OR8D4: variants seen among roughly 807,000 people sequenced by gnomAD.
The protein encoded by OR8D4 is olfactory receptor family 8 subfamily D member 4, also known as olfactory receptor 8D4.
For synonymous variants in OR8D4, 141 were observed against 134.8 expected, an observed-to-expected ratio of 1.05 and a Z score of -0.32; for missense variants, 359 against 372.6, an observed-to-expected ratio of 0.96 and a Z score of 0.30.
intron 1 of OR8D4, among the ~76,000 whole-genome samples, chr11:123,903,791 C>T (rs1482406890): frequency 6.6e-6 from 1 of 152,154 alleles, no homozygotes; most frequent in African/African-American, 2.4e-5. Flanking sequence ...TTGACATGCA[C>T]ATTACACTGC....
chr11:123,906,527 A>T lies in OR8D4; in HGVS notation c.96A>T (p.Leu32Phe). ...AGCTGCCCCTCTTCTGCCTCTTCTT[A>T]GGAATTTACACAGTTACTGTGGTGG... ...ELQLPLFCLF[L>F]GIYTVTVVGN... Residue 32 changes from leucine (L) to phenylalanine (F), a missense_variant, in exon 2 of 2, where the codon TTA becomes TTT. Leu to Phe is a conservative substitution (Grantham distance 22). Transcript: ENST00000641687. 1 of 1,613,882 alleles carries T rather than the reference A, an allele frequency of 6.2e-7. No individual in the cohort carries two copies. The highest frequency in any genetic ancestry group is 8.5e-7 in the Non-Finnish European group (1 of 1,179,856).
rs930489027 is a variant in OR8D4 at position 123,906,406 on chromosome 11, C to T, written c.-15-11C>T. 4.1e-6 allele frequency: 6 copies of T among 1,451,342 alleles called. No individual in the cohort carries two copies. Among genetic ancestry groups the T allele is most frequent in the Non-Finnish European group, 5.7e-6 (6 of 1,061,432 alleles). The allele number at this position is 1,451,342 out of a possible 1,614,324, so 89.9% of individuals were successfully genotyped here. On this transcript the variant is annotated splice_polypyrimidine_tract_variant and intron_variant, in intron 1 of 1. Transcript: ENST00000641687. ...TGATAGAATTTGACTTTTTCTCTCT[C>T]ATCTCCACAGATTTCTCAGAGAAGA...
At position 123,908,686 on chromosome 11, in the gene OR8D4, A is replaced by C. The variant is rs746661752; in HGVS notation, c.*1310A>C. On this transcript the variant is annotated 3_prime_UTR_variant, in exon 2 of 2. Transcript: ENST00000641687. ...GGAAAAAATGAGTTATGTAATTTTC[A>C]GTGGTTCAAATTCTACTCTCAATAG... 2 of 152,228 alleles carry C rather than the reference A, an allele frequency of 1.3e-5. No homozygotes were observed. Among genetic ancestry groups the C allele is most frequent in the Non-Finnish European group, 2.9e-5 (2 of 68,040 alleles). The allele number at this position is 152,228 out of a possible 1,614,324, so 9.4% of individuals were successfully genotyped here.
In OR8D4 at chr11:123,906,629, G is replaced by A. The variant is rs772667060; in HGVS notation, c.198G>A (p.Leu66=). 2 of 1,613,794 alleles carry A rather than the reference G, an allele frequency of 1.2e-6. No homozygotes were observed. The highest frequency in any genetic ancestry group is 1.7e-6 in the Non-Finnish European group (2 of 1,179,720). The change falls in exon 2 of 2, where the codon TTG becomes TTA. Residue 66 remains leucine (L), a synonymous_variant. Transcript: ENST00000641687. The stretch of plus-strand genomic sequence containing the variant: ...CCATGTACTATTTCCTGAGTAGTTT[G>A]TCTTTTTTAGATTTCTGCTATTCTT... ...HTPMYYFLSS[L]SFLDFCYSSV...
chr11:123,907,111 G>A lies in OR8D4; in HGVS notation c.680G>A (p.Arg227His), dbSNP rs780197215. 24 of 1,613,292 alleles carry A rather than the reference G, an allele frequency of 1.5e-5. No homozygotes were observed. Among genetic ancestry groups the A allele is most frequent in the East Asian group, 6.7e-5 (3 of 44,832 alleles). The part of the protein sequence containing the change: ...SYAFILTSIL[R>H]IHSKKGRCKA... ...GCTTTTATCCTCACCAGCATCCTGC[G>A]CATCCACTCTAAAAAGGGCAGGTGC... is the stretch of plus-strand genomic sequence containing the variant. Residue 227 changes from arginine to histidine, a missense_variant, in exon 2 of 2, where the codon CGC (arginine) becomes CAC (histidine). Arg to His is a conservative substitution (Grantham distance 29). Transcript: ENST00000641687.
rs1379323883 is a variant in OR8D4 at position 123,906,921 on chromosome 11, C to T, written c.490C>T (p.Leu164Phe). 6.2e-7 allele frequency: 1 copy of T among 1,614,018 alleles called. No homozygotes were observed. The highest frequency in any genetic ancestry group is 1.7e-5 in the Admixed American group (1 of 60,010). ...TDAVIHGGCILRLSFCGSNII... is the reference protein window; with the variant it reads ...TDAVIHGGCIFRLSFCGSNII... ...TGCTGTGATCCATGGAGGTTGTATA[C>T]TCAGGTTGTCTTTCTGTGGATCAAA... The change falls in exon 2 of 2, where the codon CTC (leucine) becomes TTC (phenylalanine). Residue 164 changes from leucine to phenylalanine, a missense_variant. Physicochemically the swap from Leu to Phe is conservative, Grantham distance 22 (BLOSUM62 0). Transcript: ENST00000641687.
At chr11:123,904,756 C>A (rs1014648021) in intron 1 of OR8D4, among the ~76,000 whole-genome samples, 2 of 152,140 alleles carry the variant, frequency 1.3e-5, no homozygotes, top group Non-Finnish European at 2.9e-5. Context: ...TAAGGAGTCA[C>A]CTGCATCCTG....
At position 123,907,033 on chromosome 11, in the gene OR8D4, T is replaced by C; in HGVS notation, c.602T>C (p.Val201Ala). Residue 201 changes from valine (V) to alanine (A), a missense_variant, in exon 2 of 2, where the codon GTC becomes GCC. Val to Ala is a moderately conservative substitution (Grantham distance 64, BLOSUM62 0). Coordinates refer to ENST00000641687, the MANE Select transcript of OR8D4 (RefSeq NM_001005197.2). ...TATATTGATGAGCTTTTGATTTTTG[T>C]CATTGGTGGATTTAACATGGTGGCC... ...STYIDELLIFVIGGFNMVATS... is the reference protein window; with the variant it reads ...STYIDELLIFAIGGFNMVATS... 3.1e-6 allele frequency: 5 copies of C among 1,614,116 alleles called. 1 individual carries two copies. The highest frequency in any genetic ancestry group is 4.2e-6 in the Non-Finnish European group (5 of 1,179,964).
In OR8D4 at chr11:123,906,203, A is replaced by G. The variant is rs145976485; in HGVS notation, c.-15-214A>G. On this transcript the variant is annotated intron_variant, in intron 1 of 1. Transcript: ENST00000641687. Reference sequence around the variant, plus strand: ...GTAAAAGGTTCTGTCGTTTGCTAAGAGAATTTGTTCCACTGGAGGGTATGG... The same window carrying G: ...GTAAAAGGTTCTGTCGTTTGCTAAGGGAATTTGTTCCACTGGAGGGTATGG... 2.8e-4 allele frequency: 130 copies of G among 462,988 alleles called. 2 individuals are homozygous for G. The East Asian group carries it at 4.2e-3, about 15-fold the overall frequency. 28.7% of individuals were successfully genotyped at this position (462,988 alleles called of 1,614,324 possible). A position where few individuals can be genotyped will look rare whatever the true frequency, so the allele number is the denominator to read the frequency against.
chr11:123,906,918 A>T lies in OR8D4; in HGVS notation c.487A>T (p.Ile163Leu), dbSNP rs774584515. Residue 163 changes from isoleucine to leucine, a missense_variant, in exon 2 of 2, where the codon ATA becomes TTA. Physicochemically the swap from Ile to Leu is conservative, Grantham distance 5. Coordinates refer to ENST00000641687, the MANE Select transcript of OR8D4 (RefSeq NM_001005197.2). ...FTDAVIHGGCILRLSFCGSNI... is the reference protein window; with the variant it reads ...FTDAVIHGGCLLRLSFCGSNI... ...TGATGCTGTGATCCATGGAGGTTGT[A>T]TACTCAGGTTGTCTTTCTGTGGATC... is the stretch of plus-strand genomic sequence containing the variant. 1.2e-6 allele frequency: 2 copies of T among 1,614,030 alleles called. No homozygotes were observed. Among genetic ancestry groups the T allele is most frequent in the Admixed American group, 3.3e-5 (2 of 60,008 alleles).
rs542031430 is a variant in OR8D4 at position 123,905,680 on chromosome 11, C to A, written c.-15-737C>A. Among the ~76,000 whole-genome samples, 6 of 139,124 alleles carry A rather than the reference C, an allele frequency of 4.3e-5. No individual in the cohort carries two copies. In the South Asian group the frequency reaches 1.2e-3, roughly 27 times the overall value. The allele number at this position is 139,124 out of a possible 152,430, so 91.3% of individuals were successfully genotyped here. A position where few individuals can be genotyped will look rare whatever the true frequency, so the allele number is the denominator to read the frequency against. On this transcript the variant is annotated intron_variant, in intron 1 of 1. Transcript: ENST00000641687. ...GCAAAAGTATTCTCATAGTCCTCAG[C>A]CTCTAGTTTATGCACCTACTTAACT...
chr11:123,903,383 T>C (rs910837275), intron 1 of OR8D4, among the ~76,000 whole-genome samples: 1 of 152,098 alleles, frequency 6.6e-6, no homozygotes, highest in African/African-American at 2.4e-5. Flanking sequence ...CAAAATGAAC[T>C]TCTAGGATGT....
rs546731785 is a variant in OR8D4 at position 123,903,591 on chromosome 11, A to T, written c.-16+1334A>T. Among the ~76,000 whole-genome samples the T allele has an allele frequency of 2.0e-5, 3 of 152,320 alleles. No homozygotes were observed. In the South Asian group the frequency reaches 6.2e-4, roughly 32 times the overall value. ...AATGAGGTCTGAATCAATGTAGTAG[A>T]TTATTTTGGTCAGAAATACAACCTC... On this transcript the variant is annotated intron_variant, in intron 1 of 1. Transcript: ENST00000641687.
In OR8D4 at chr11:123,906,499, T is replaced by C. The variant is rs1358887410; in HGVS notation, c.68T>C (p.Leu23Pro). 2 of 1,613,828 alleles carry C rather than the reference T, an allele frequency of 1.2e-6. No homozygotes were observed. The highest frequency in any genetic ancestry group is 4.5e-5 in the East Asian group (2 of 44,818). ...LLSGLTEQAELQLPLFCLFLG... is the reference protein window; with the variant it reads ...LLSGLTEQAEPQLPLFCLFLG... ...TCAGGATTAACTGAACAAGCAGAGC[T>C]TCAGCTGCCCCTCTTCTGCCTCTTC... The change falls in exon 2 of 2, where the codon CTT (leucine) becomes CCT (proline). Residue 23 changes from leucine (L) to proline (P), a missense_variant. Leu to Pro is a moderately conservative substitution (Grantham distance 98). Transcript: ENST00000641687.
intron 1 of OR8D4, among the ~76,000 whole-genome samples, chr11:123,902,905 T>C (rs1563126): frequency 0.74 from 111,971 of 152,004 alleles, 41,599 homozygotes; most frequent in African/African-American, 0.81. Flanking sequence ...AATAAAATAA[T>C]GTAAAATATC....
At chr11:123,903,534 A>T (rs1863177611) in intron 1 of OR8D4, among the ~76,000 whole-genome samples, 1 of 152,140 alleles carries the variant, frequency 6.6e-6, no homozygotes, top group African/African-American at 2.4e-5. Flanking sequence ...TTTTCTTATG[A>T]TTTTAAATTG....
chr11:123,904,113 T>C (rs1863181694), intron 1 of OR8D4, among the ~76,000 whole-genome samples: 1 of 152,188 alleles, frequency 6.6e-6, no homozygotes, highest in Non-Finnish European at 1.5e-5. Context: ...AGGTAGGGCC[T>C]GAGACTGTGC....
In OR8D4 at chr11:123,906,954, A is replaced by T. The variant is rs1444283846; in HGVS notation, c.523A>T (p.Lys175Ter). ...RLSFCGSNIIKHYFCDIVPLI... is the reference protein window; with the variant it reads ...RLSFCGSNII ...GTCTTTCTGTGGATCAAACATCATT[A>T]AACATTATTTCTGTGACATTGTCCC... Residue 175 changes from lysine to a stop codon, truncating the protein, a stop_gained, in exon 2 of 2, where the codon AAA becomes TAA. Coordinates refer to ENST00000641687, the MANE Select transcript of OR8D4 (RefSeq NM_001005197.2). LOFTEE classifies it low-confidence loss of function (END_TRUNC). 17 of 1,614,072 alleles carry T rather than the reference A, an allele frequency of 1.1e-5. No individual in the cohort carries two copies. The highest frequency in any genetic ancestry group is 1.4e-5 in the Non-Finnish European group (17 of 1,179,964).
chr11:123,904,267 G>A (rs1205728744), intron 1 of OR8D4, among the ~76,000 whole-genome samples: 1 of 152,162 alleles, frequency 6.6e-6, no homozygotes, highest in Admixed American at 6.6e-5. Context: ...GGGAAGAACA[G>A]TGCAGGACAC....
Sources: allele counts gnomAD v4.1 joint callset (sites outside exome capture counted in the v4.1 genomes callset), GRCh38; gene constraint gnomAD v4.1.1; transcripts MANE v1.5; gene names NCBI Gene and HGNC (gene_info 2026-07-23, HGNC 2026-07-21).